BLACAT1: variants seen among roughly 807,000 people sequenced by gnomAD.
BLACAT1 encodes BLACAT1 overlapping LEMD1 locus, also known as bladder cancer associated transcript 1.
intron 1 of BLACAT1, among the ~76,000 whole-genome samples, chr1:205,454,685 T>A (rs1666541726): frequency 6.6e-6 from 1 of 152,062 alleles, no homozygotes; most frequent in African/African-American, 2.4e-5. Context: ...CTGGAGGGCA[T>A]AAGCCACCAA....
chr1:205,449,679 C>T (rs1348932476), intron 1 of BLACAT1, among the ~76,000 whole-genome samples: 1 of 152,198 alleles, frequency 6.6e-6, no homozygotes, highest in Non-Finnish European at 1.5e-5. Context: ...ATCCTGCGGC[C>T]TCCCACCTGA....
downstream of BLACAT1, chr1:205,437,549 C>T (rs1272348421): frequency 6.6e-6 from 1 of 152,304 alleles, no homozygotes; most frequent in African/African-American, 2.4e-5. Flanking sequence ...CTCTCACTCC[C>T]CCTCTCACTT....
intron 1 of BLACAT1, among the ~76,000 whole-genome samples, chr1:205,443,549 T>TAGGG (rs1293454191): frequency 3.9e-5 from 6 of 152,164 alleles, no homozygotes; most frequent in Non-Finnish European, 7.4e-5. Context: ...GTAGCCTGGC[T>TAGGG]CCCGAGAGGT....
exon 2 of BLACAT1, among the ~76,000 whole-genome samples, chr1:205,440,266 G>T (rs962225236): frequency 6.6e-6 from 1 of 152,194 alleles, no homozygotes; most frequent in Non-Finnish European, 1.5e-5. Flanking sequence ...TCAGGGCCGG[G>T]GCTGGAGGAA....
At chr1:205,443,636 G>A (rs1026246573) in intron 1 of BLACAT1, among the ~76,000 whole-genome samples, 1 of 152,146 alleles carries the variant, frequency 6.6e-6, no homozygotes, top group Non-Finnish European at 1.5e-5. Context: ...ACAGGGCCTG[G>A]TTATTCTGCT....
chr1:205,444,994 C>A (rs1666359120), intron 1 of BLACAT1, among the ~76,000 whole-genome samples: 1 of 152,038 alleles, frequency 6.6e-6, no homozygotes, highest in Non-Finnish European at 1.5e-5. Flanking sequence ...CCCTCCCCGG[C>A]TCCCTTAGCA....
At chr1:205,446,356 C>T (rs1273513701) in intron 1 of BLACAT1, among the ~76,000 whole-genome samples, 1 of 152,226 alleles carries the variant, frequency 6.6e-6, no homozygotes, top group East Asian at 1.9e-4. Context: ...TATGTCCCTG[C>T]TGGTGGCAAC....
chr1:205,446,986 T>C (rs1666401223), intron 1 of BLACAT1, among the ~76,000 whole-genome samples: 1 of 152,162 alleles, frequency 6.6e-6, no homozygotes, highest in Non-Finnish European at 1.5e-5. Flanking sequence ...CAAAGGGTGA[T>C]TGGAGTTGGG....
intron 1 of BLACAT1, among the ~76,000 whole-genome samples, chr1:205,451,068 A>G (rs560680079): frequency 2.6e-5 from 4 of 152,120 alleles, no homozygotes; most frequent in Non-Finnish European, 5.9e-5. Flanking sequence ...CAGCAGCCCA[A>G]GGGGCCCAAG....
chr1:205,437,874 C>A (rs1666233966), downstream of BLACAT1: 1 of 152,152 alleles, frequency 6.6e-6, no homozygotes, highest in Non-Finnish European at 1.5e-5. Flanking sequence ...GTGCTCCTTG[C>A]ATCCCACTCT....
downstream of BLACAT1, chr1:205,437,539 C>T (rs1445534637): frequency 2.0e-5 from 3 of 152,258 alleles, no homozygotes; most frequent in South Asian, 4.1e-4. Flanking sequence ...TTGCCTTTCC[C>T]TCTCACTCCC....
chr1:205,451,966 T>C (rs753064081), intron 1 of BLACAT1, among the ~76,000 whole-genome samples: 21 of 151,748 alleles, frequency 1.4e-4, no homozygotes, highest in Non-Finnish European at 2.6e-4. Flanking sequence ...AGAAGAATGC[T>C]GACAAAGAGA....
At chr1:205,437,769 C>G (rs1435807024), downstream of BLACAT1, 2 of 152,174 alleles carry the variant, frequency 1.3e-5, no homozygotes, top group Non-Finnish European at 2.9e-5. Flanking sequence ...GTTGAGGAAC[C>G]TGAGTCTCAG....
At chr1:205,453,080 A>C (rs1035959005) in intron 1 of BLACAT1, among the ~76,000 whole-genome samples, 2 of 152,074 alleles carry the variant, frequency 1.3e-5, no homozygotes, top group Non-Finnish European at 2.9e-5. Flanking sequence ...TTCCACTCAC[A>C]TGGGGGTGGG....
At chr1:205,455,413 G>A (rs1404284841) in intron 1 of BLACAT1, among the ~76,000 whole-genome samples, 2 of 152,108 alleles carry the variant, frequency 1.3e-5, no homozygotes, top group African/African-American at 4.8e-5. Context: ...GCCCCAAACT[G>A]GGGTCTCCTG....
intron 1 of BLACAT1, among the ~76,000 whole-genome samples, chr1:205,446,632 T>A (rs1250795961): frequency 6.6e-6 from 1 of 152,072 alleles, no homozygotes; most frequent in East Asian, 1.9e-4. Context: ...AGTTAGGAGA[T>A]CAGGAGTTAA....
At chr1:205,437,746 T>A (rs1408504144), downstream of BLACAT1, 1 of 152,154 alleles carries the variant, frequency 6.6e-6, no homozygotes, top group Non-Finnish European at 1.5e-5. Context: ...ATTTATGTAA[T>A]CCCCTATTTA....
intron 1 of BLACAT1, among the ~76,000 whole-genome samples, chr1:205,447,725 AGGG>A (rs1181677157): frequency 6.8e-6 from 1 of 147,092 alleles, no homozygotes; most frequent in Non-Finnish European, 1.5e-5. Flanking sequence ...ACCAGGAGCC[AGGG>A]ACCCTGGAGT....
In BLACAT1 at chr1:205,452,196, T is replaced by C. The variant is rs570243012; in HGVS notation, c.-37+3721A>G. Among the ~76,000 whole-genome samples, 167 of 152,288 alleles carry C rather than the reference T, an allele frequency of 1.1e-3. 2 individuals carry two copies. Among genetic ancestry groups the C allele is most frequent in the African/African-American group, 3.7e-3 (154 of 41,548 alleles). On this transcript the variant is annotated intron_variant, in intron 1 of 1. Coordinates refer to ENST00000629624, the Ensembl canonical transcript of BLACAT1. Reference sequence around the variant, plus strand: ...TCCAGCATGAAAACTAAAGCCTGTTTCACTGGGGAGCAGGCTGCAGCAACT... The same window carrying C: ...TCCAGCATGAAAACTAAAGCCTGTTCCACTGGGGAGCAGGCTGCAGCAACT...
Sources: allele counts gnomAD v4.1 joint callset (sites outside exome capture counted in the v4.1 genomes callset), GRCh38; gene constraint gnomAD v4.1.1; transcripts MANE v1.5; gene names NCBI Gene and HGNC (gene_info 2026-07-23, HGNC 2026-07-21).